Variants in RBFOX1 observed in about 807,000 individuals in gnomAD.
The protein encoded by RBFOX1 is RNA binding protein fox-1 homolog 1.
Under a neutral mutation model 57.7 loss-of-function variants are expected in RBFOX1, and 8 were observed. The observed-to-expected ratio is 0.14, with a 90% CI of 0.08 to 0.25. The LOEUF (loss-of-function observed/expected upper bound fraction) is 0.25, where lower values mean the gene tolerates loss of function less well. RBFOX1 is among the 10% of genes least tolerant of loss of function. RBFOX1 has a pLI of 1.00. For missense variants in RBFOX1, 611 were observed against 548.5 expected, an observed-to-expected ratio of 1.11 and a Z score of -1.14; for synonymous variants, 326 against 222.4, an observed-to-expected ratio of 1.47 and a Z score of -4.15.
intron 4 of RBFOX1, among the ~76,000 whole-genome samples, chr16:7,206,244 T>C (rs968668263): frequency 1.3e-4 from 20 of 152,128 alleles, no homozygotes; most frequent in African/African-American, 4.8e-4. Context: ...CAGTAACATC[T>C]TAGTCTTTTG....
intron 3 of RBFOX1, among the ~76,000 whole-genome samples, chr16:7,012,280 T>C (rs1160036388): frequency 6.6e-6 from 1 of 152,188 alleles, no homozygotes; most frequent in Non-Finnish European, 1.5e-5. Context: ...ATACAGGATC[T>C]GAGGCTGACA....
chr16:6,679,169 A>G (rs1292715570), intron 3 of RBFOX1, among the ~76,000 whole-genome samples: 1 of 152,132 alleles, frequency 6.6e-6, no homozygotes, highest in Non-Finnish European at 1.5e-5. Context: ...CCACCCATTC[A>G]GTCTGAGTCT....
At chr16:5,949,296 G>T (rs1330767517) in intron 4 of RBFOX1, among the ~76,000 whole-genome samples, 2 of 152,034 alleles carry the variant, frequency 1.3e-5, no homozygotes, top group Non-Finnish European at 2.9e-5. Flanking sequence ...GGAGGCTGAG[G>T]CAGGCCGATC....
At chr16:5,351,694 G>A (rs539340390) in intron 1 of RBFOX1, among the ~76,000 whole-genome samples, 86 of 152,328 alleles carry the variant, frequency 5.6e-4, no homozygotes, top group African/African-American at 1.9e-3. Flanking sequence ...GTCAAGGGAG[G>A]AATTCAGGTT....
At chr16:5,842,102 T>C (rs1555543839) in intron 3 of RBFOX1, among the ~76,000 whole-genome samples, 1 of 152,142 alleles carries the variant, frequency 6.6e-6, no homozygotes, top group Non-Finnish European at 1.5e-5. Context: ...GTCAGGTTCC[T>C]GGAGAGAGGC....
intron 3 of RBFOX1, among the ~76,000 whole-genome samples, chr16:6,860,652 C>G (rs530516861): frequency 1.3e-5 from 2 of 152,076 alleles, no homozygotes; most frequent in Non-Finnish European, 2.9e-5. Context: ...TAATTGTCCA[C>G]CAATAGGGAA....
chr16:6,835,831 C>G lies in RBFOX1; in HGVS notation c.-16+181181C>G, dbSNP rs114939766. Among the ~76,000 whole-genome samples, 539 of 146,988 alleles carry G rather than the reference C, an allele frequency of 3.7e-3. 6 individuals are homozygous for G. Among genetic ancestry groups the G allele is most frequent in the African/African-American group, 0.012 (499 of 40,192 alleles). On this transcript the variant is annotated intron_variant, in intron 3 of 15. Coordinates refer to ENST00000550418, the MANE Select transcript of RBFOX1 (RefSeq NM_018723.4). ...TCGGTGTCCTGATGGATGGACAGTT[C>G]TACTCCATAATGTGATACAGGGACC...
intron 4 of RBFOX1, among the ~76,000 whole-genome samples, chr16:7,458,188 C>T (rs146443986): frequency 1.1e-4 from 16 of 152,318 alleles, no homozygotes; most frequent in African/African-American, 3.8e-4. Flanking sequence ...GAGCCATATG[C>T]ATTACAAAGA....
At chr16:7,474,840 G>C (rs1196386735) in intron 4 of RBFOX1, among the ~76,000 whole-genome samples, 1 of 152,192 alleles carries the variant, frequency 6.6e-6, no homozygotes, top group African/African-American at 2.4e-5. Context: ...AGCATTCTTT[G>C]TGTGTTGGCT....
intron 3 of RBFOX1, among the ~76,000 whole-genome samples, chr16:6,829,323 T>C (rs1251047085): frequency 5.3e-5 from 8 of 151,192 alleles, no homozygotes. Flanking sequence ...TAAATACATA[T>C]ATAAGGAGGC....
chr16:5,614,447 A>G (rs538721427), intron 3 of RBFOX1, among the ~76,000 whole-genome samples: 28 of 152,124 alleles, frequency 1.8e-4, no homozygotes, highest in Admixed American at 7.9e-4. Context: ...AGTCGTTCCA[A>G]TGTGTTCTAA....
At chr16:7,336,318 A>C (rs891185429) in intron 4 of RBFOX1, among the ~76,000 whole-genome samples, 4 of 152,124 alleles carry the variant, frequency 2.6e-5, no homozygotes, top group African/African-American at 9.7e-5. Context: ...GTGGACCCTC[A>C]CCCCTCAATC....
At chr16:6,989,230 A>C (rs1451547640) in intron 3 of RBFOX1, among the ~76,000 whole-genome samples, 1 of 152,082 alleles carries the variant, frequency 6.6e-6, no homozygotes, top group Non-Finnish European at 1.5e-5. Context: ...TATTAGAAAA[A>C]TTTTAATTGC....
At chr16:6,985,887 TG>T (rs1035764443) in intron 3 of RBFOX1, among the ~76,000 whole-genome samples, 2 of 150,888 alleles carry the variant, frequency 1.3e-5, no homozygotes, top group African/African-American at 4.8e-5. Flanking sequence ...TTTCTTTTTT[TG>T]CAGGACTTCT....
At chr16:5,993,499 A>G (rs1417494314) in intron 4 of RBFOX1, among the ~76,000 whole-genome samples, 1 of 152,142 alleles carries the variant, frequency 6.6e-6, no homozygotes, top group Non-Finnish European at 1.5e-5. Flanking sequence ...AAGGAGGCAG[A>G]AAATACAGCC....
chr16:6,598,576 A>C (rs141202965), intron 2 of RBFOX1, among the ~76,000 whole-genome samples: 2 of 152,236 alleles, frequency 1.3e-5, no homozygotes, highest in Non-Finnish European at 2.9e-5. Flanking sequence ...TAAAAGTTCA[A>C]TATAAAAGGA....
rs966646056 is a variant in RBFOX1, at chr16:7,712,026, CAAAAAAA to C, written c.*1282_*1288del. ...GCCCAGGACACTTGTCAGAAGGATG[CAAAAAAA>C]GAAAAAAGTACATCCACCCTCTTAA... On this transcript the variant is annotated 3_prime_UTR_variant, in exon 16 of 16. Coordinates refer to ENST00000550418, the MANE Select transcript of RBFOX1 (RefSeq NM_018723.4). 5 of 151,730 alleles carry C rather than the reference CAAAAAAA, an allele frequency of 3.3e-5. No homozygotes were observed. Among genetic ancestry groups the C allele is most frequent in the Middle Eastern group, 3.4e-3 (1 of 294 alleles). 9.4% of individuals were successfully genotyped at this position (151,730 alleles called of 1,614,324 possible). A position where few individuals can be genotyped will look rare whatever the true frequency, so the allele number is the denominator to read the frequency against.
At chr16:5,330,056 A>C (rs1377328149) in intron 1 of RBFOX1, among the ~76,000 whole-genome samples, 1 of 152,000 alleles carries the variant, frequency 6.6e-6, no homozygotes, top group Non-Finnish European at 1.5e-5. Flanking sequence ...ACATGGTACA[A>C]GGGACCCGTG....
chr16:6,062,592 A>G (rs1462017049), intron 1 of RBFOX1, among the ~76,000 whole-genome samples: 1 of 72,784 alleles, frequency 1.4e-5, no homozygotes, highest in Non-Finnish European at 3.1e-5. Context: ...GAGATTGTAT[A>G]TATGTATATA....
Sources: allele counts gnomAD v4.1 joint callset (sites outside exome capture counted in the v4.1 genomes callset), GRCh38; gene constraint gnomAD v4.1.1; transcripts MANE v1.5; gene names NCBI Gene and HGNC (gene_info 2026-07-23, HGNC 2026-07-21).